The following ZZZ3 variants were observed in gnomAD, a reference collection of about 807,000 sequenced individuals.
The protein encoded by ZZZ3 is zinc finger ZZ-type containing 3.
ZZZ3 carries 22 observed loss-of-function variants against 95.2 expected under a neutral mutation model. The observed-to-expected ratio is 0.23, with a 90% CI of 0.17 to 0.33. The LOEUF (loss-of-function observed/expected upper bound fraction) is 0.33, where lower values mean the gene tolerates loss of function less well. Among genes scored for constraint, ZZZ3 ranks in the 10% least tolerant of loss-of-function variants. The probability of loss-of-function intolerance (pLI) is 1.00; values close to 1 mark genes in which losing one functional copy is unlikely to be tolerated. For missense variants in ZZZ3, 885 were observed against 1,066.5 expected, an observed-to-expected ratio of 0.83 and a Z score of 2.37; for synonymous variants, 335 against 358.9, an observed-to-expected ratio of 0.93 and a Z score of 0.75.
chr1:77,640,694 CA>C (rs1668708239), intron 3 of ZZZ3, among the ~76,000 whole-genome samples: 1 of 151,676 alleles, frequency 6.6e-6, no homozygotes, highest in South Asian at 2.1e-4. Flanking sequence ...AGAAAACGAC[CA>C]GCAGATGTTT....
chr1:77,573,029 A>T (rs955764795), intron 12 of ZZZ3, among the ~76,000 whole-genome samples: 3 of 151,896 alleles, frequency 2.0e-5, no homozygotes, highest in African/African-American at 7.3e-5. Flanking sequence ...CTTCACTGTC[A>T]CCCTCTCAGG....
chr1:77,581,789 C>G lies in ZZZ3; in HGVS notation c.1895G>C (p.Ser632Thr). 6.2e-7 allele frequency: 1 copy of G among 1,613,066 alleles called. No individual in the cohort carries two copies. Among genetic ancestry groups the G allele is most frequent in the Non-Finnish European group, 8.5e-7 (1 of 1,179,436 alleles). Residue 632 changes from serine to threonine, a missense_variant, in exon 8 of 15, where the codon AGC becomes ACC. This residue lies in a region of ZZZ3 where 99 missense variants were observed against 119.8 expected (regional missense o/e 0.83). Transcript: ENST00000370801. The part of the protein sequence containing the change: ...LPLSDGPEGS[S>T]SRPQMIRGRL... ...CACACTGCTTACCTGAGGACGACTG[C>G]TTGAGCCTTCTGGACCATCACTCAA...
chr1:77,682,936 G>C (rs1672934412), upstream of ZZZ3, among the ~76,000 whole-genome samples: 1 of 152,154 alleles, frequency 6.6e-6, no homozygotes, highest in South Asian at 2.1e-4. Flanking sequence ...CGCTGCCCCA[G>C]GCAGCCTCCC....
At chr1:77,575,283 G>T (rs1375485697) in intron 12 of ZZZ3, among the ~76,000 whole-genome samples, 1 of 152,176 alleles carries the variant, frequency 6.6e-6, no homozygotes, top group Admixed American at 6.5e-5. Flanking sequence ...GGGGCAGGGG[G>T]ATTACTTTTA....
intron 5 of ZZZ3, among the ~76,000 whole-genome samples, chr1:77,616,088 T>C (rs1666284673): frequency 6.6e-6 from 1 of 152,214 alleles, no homozygotes; most frequent in Non-Finnish European, 1.5e-5. Flanking sequence ...GAATTCTCAT[T>C]AATTAGTCAG....
chr1:77,576,072 G>A lies in ZZZ3; in HGVS notation c.2327C>T (p.Ala776Val). ...HSHMNTAVED[A>V]SDDESIPIMY... ...AACTTGATGTGTATAACTTACTGAT[G>A]CATCTTCAACAGCAGTGTTCATGTG... Residue 776 changes from alanine to valine, a missense_variant, in exon 12 of 15, where the codon GCA becomes GTA. Around this residue, in one of 5 missense-constraint regions of ZZZ3, gnomAD observed 221 missense variants for 247.8 expected, o/e 0.89. Coordinates refer to ENST00000370801, the MANE Select transcript of ZZZ3 (RefSeq NM_015534.6). 6.2e-7 allele frequency: 1 copy of A among 1,603,770 alleles called. No homozygotes were observed. The highest frequency in any genetic ancestry group is 8.5e-7 in the Non-Finnish European group (1 of 1,176,980).
chr1:77,614,991 T>C (rs1356194418), intron 5 of ZZZ3: 1 of 152,200 alleles, frequency 6.6e-6, no homozygotes, highest in Non-Finnish European at 1.5e-5. Context: ...ATTAACTGAA[T>C]GGGGTAGCAG....
At chr1:77,580,538 C>T (rs981993242) in intron 9 of ZZZ3, 3 of 152,242 alleles carry the variant, frequency 2.0e-5, no homozygotes, top group African/African-American at 7.2e-5. Flanking sequence ...AAATTCTTGA[C>T]GTATGCAAAA....
At chr1:77,663,366 T>C (rs1670983018) in intron 1 of ZZZ3, among the ~76,000 whole-genome samples, 1 of 152,138 alleles carries the variant, frequency 6.6e-6, no homozygotes, top group Non-Finnish European at 1.5e-5. Context: ...GTATCCTGGA[T>C]CTAATTCTAC....
chr1:77,654,800 T>A (rs1020671933), intron 1 of ZZZ3, among the ~76,000 whole-genome samples: 4 of 152,186 alleles, frequency 2.6e-5, no homozygotes, highest in Non-Finnish European at 4.4e-5. Flanking sequence ...GGGTAATTTG[T>A]GGAAAATAAA....
At position 77,579,599 on chromosome 1, in the gene ZZZ3, G is replaced by A. The variant is rs763126357; in HGVS notation, c.2010C>T (p.Tyr670=). The change falls in exon 10 of 15, where the codon TAC becomes TAT. Residue 670 remains tyrosine (Y), a synonymous_variant. Coordinates refer to ENST00000370801, the MANE Select transcript of ZZZ3 (RefSeq NM_015534.6). The part of the protein sequence containing the change: ...QKKLEQLLIK[Y]PPEEVESRRW... ...GTCGAGATTCTACTTCTTCAGGAGG[G>A]TATTTGATGAGTAGCTGTTCCAGCT... 99 of 1,584,562 alleles carry A rather than the reference G, an allele frequency of 6.2e-5. No homozygotes were observed. Among genetic ancestry groups the A allele is most frequent in the Non-Finnish European group, 8.2e-5 (96 of 1,168,634 alleles).
chr1:77,592,183 C>T (rs1382162169), intron 5 of ZZZ3, among the ~76,000 whole-genome samples: 4 of 152,160 alleles, frequency 2.6e-5, no homozygotes, highest in Non-Finnish European at 5.9e-5. Flanking sequence ...TGGACTGGGA[C>T]ACAACTCCCT....
chr1:77,667,867 G>GT (rs1164235684), intron 1 of ZZZ3, among the ~76,000 whole-genome samples: 6 of 149,764 alleles, frequency 4.0e-5, no homozygotes, highest in Non-Finnish European at 7.4e-5. Context: ...CTGGGTTCAA[G>GT]TGATTCTCCT....
chr1:77,661,057 A>G (rs890837150), intron 1 of ZZZ3, among the ~76,000 whole-genome samples: 1 of 132,850 alleles, frequency 7.5e-6, no homozygotes, highest in Non-Finnish European at 1.5e-5. Context: ...CTTTAACGCA[A>G]AAAAAAAAAA....
intron 5 of ZZZ3, among the ~76,000 whole-genome samples, chr1:77,604,149 GC>G (rs1665005855): frequency 6.6e-6 from 1 of 152,172 alleles, no homozygotes; most frequent in Non-Finnish European, 1.5e-5. Flanking sequence ...CTGCACTCTA[GC>G]CTAGGCTAGA....
chr1:77,582,347 C>T (rs114902412), intron 6 of ZZZ3, among the ~76,000 whole-genome samples: 5,585 of 152,066 alleles, frequency 0.037, 134 homozygotes, highest in Non-Finnish European at 0.053. Flanking sequence ...AACCTAAGTA[C>T]GACTTCTAGT....
rs148719524 is a variant in ZZZ3, at chr1:77,624,443, A to G, written c.1505+7407T>C. On this transcript the variant is annotated intron_variant, in intron 5 of 14. Transcript: ENST00000370801. Reference sequence around the variant, plus strand: ...GTTAGAAGAGCTGGAGATTGAGTTAATAATCATGCATGCCTGAGAAATGAA... The same window carrying G: ...GTTAGAAGAGCTGGAGATTGAGTTAGTAATCATGCATGCCTGAGAAATGAA... Among the ~76,000 whole-genome samples the G allele has an allele frequency of 3.8e-3, 579 of 151,874 alleles. 5 individuals are homozygous for G. Among genetic ancestry groups the G allele is most frequent in the African/African-American group, 0.013 (546 of 41,472 alleles).
rs1667879969 is a variant in ZZZ3, at chr1:77,632,310, A to G, written c.1045T>C (p.Ser349Pro). 1 of 1,614,118 alleles carries G rather than the reference A, an allele frequency of 6.2e-7. No homozygotes were observed. Among genetic ancestry groups the G allele is most frequent in the Non-Finnish European group, 8.5e-7 (1 of 1,180,022 alleles). ...LDTSLESMPA[S>P]GEPEPSPVLD... ...ACAGGAGATGGTTCAGGTTCTCCGG[A>G]GGCTGGCATACTCTCAAGACTTGTG... Residue 349 changes from serine to proline, a missense_variant, in exon 5 of 15, where the codon TCC becomes CCC. Ser to Pro is a moderately conservative substitution (Grantham distance 74, BLOSUM62 -1). Around this residue, in one of 5 missense-constraint regions of ZZZ3, gnomAD observed 556 missense variants for 652.9 expected, o/e 0.85. Transcript: ENST00000370801.
chr1:77,571,285 A>AAAAT (rs770571955), intron 12 of ZZZ3, among the ~76,000 whole-genome samples: 45 of 152,164 alleles, frequency 3.0e-4, no homozygotes, highest in Non-Finnish European at 1.5e-4. Context: ...TACTACTGAA[A>AAAAT]AAATAAATAA....
Sources: gnomAD v4.1 joint callset for allele counts (sites outside exome capture counted in the v4.1 genomes callset) on GRCh38, gnomAD v4.1.1 for gene constraint, gnomAD v4.1.1 regional missense constraint, MANE v1.5 for transcripts, NCBI Gene and HGNC (gene_info 2026-07-23, HGNC 2026-07-21) for gene names.